The following NBAS variants were observed in gnomAD, a reference collection of about 807,000 sequenced individuals.
NBAS encodes NAG/BC035112 fusion.
In NBAS, 219 loss-of-function variants were observed where a neutral mutation model predicts 302.5. The ratio of observed to expected loss-of-function variants is 0.72; its 90% CI spans 0.65 to 0.81. The LOEUF (loss-of-function observed/expected upper bound fraction) is 0.81. Among genes scored for constraint, NBAS ranks in the 30% least tolerant of loss-of-function variants. The pLI is 0.00. For missense variants in NBAS, 2,932 were observed against 2,841.6 expected (o/e 1.03, Z -0.72); for synonymous variants, 1,118 against 1,021.6 (o/e 1.09, Z -1.80).
the NBAS span, among the ~76,000 whole-genome samples, chr2:14,848,496 G>C: frequency 1.4e-5 from 2 of 144,220 alleles, no homozygotes; most frequent in Non-Finnish European, 3.0e-5. Flanking sequence ...AGCGAGGCTG[G>C]GGGAGGGGCG....
the NBAS span, among the ~76,000 whole-genome samples, chr2:15,014,279 C>A: frequency 6.6e-6 from 1 of 152,114 alleles, no homozygotes; most frequent in African/African-American, 2.4e-5. Flanking sequence ...TTATACTGCA[C>A]CATATACCAA....
At chr2:14,945,657 G>C in the NBAS span, among the ~76,000 whole-genome samples, 1 of 152,052 alleles carries the variant, frequency 6.6e-6, no homozygotes, top group African/African-American at 2.4e-5. Context: ...AAATTAATTA[G>C]AGGCTCTTGA....
At chr2:15,414,282 T>C (rs1315831898) in intron 25 of NBAS, among the ~76,000 whole-genome samples, 5 of 152,228 alleles carry the variant, frequency 3.3e-5, no homozygotes, top group Non-Finnish European at 7.3e-5. Flanking sequence ...ACCATGTATC[T>C]TACCAGACAC....
At position 15,327,732 on chromosome 2, in the gene NBAS, T is replaced by C; in HGVS notation, c.4582+18A>G. On this transcript the variant is annotated intron_variant, in intron 38 of 51. Coordinates refer to ENST00000281513, the MANE Select transcript of NBAS (RefSeq NM_015909.4). ...CTAGAGTTACACACTGTCAAGGGAC[T>C]AGAACCTTCTCTCTTACCTTCAGTT... 6.2e-7 allele frequency: 1 copy of C among 1,613,456 alleles called. No individual in the cohort carries two copies. The highest frequency in any genetic ancestry group is 8.5e-7 in the Non-Finnish European group (1 of 1,179,508).
chr2:14,941,904 G>A, the NBAS span, among the ~76,000 whole-genome samples: 1 of 152,086 alleles, frequency 6.6e-6, no homozygotes, highest in East Asian at 1.9e-4. Context: ...CTCTCTACTG[G>A]TTGGAGGATG....
chr2:15,174,889 A>G (rs192068002), intron 51 of NBAS, among the ~76,000 whole-genome samples: 17 of 152,364 alleles, frequency 1.1e-4, no homozygotes, highest in Admixed American at 3.9e-4. Context: ...TACTTGGCAA[A>G]GAGGTGGGAT....
At chr2:15,022,550 C>G in the NBAS span, among the ~76,000 whole-genome samples, 1 of 152,140 alleles carries the variant, frequency 6.6e-6, no homozygotes, top group African/African-American at 2.4e-5. Flanking sequence ...TATTTCTTCC[C>G]TCAACCAAGC....
At chr2:15,319,221 C>T (rs542016137) in intron 38 of NBAS, among the ~76,000 whole-genome samples, 2 of 152,242 alleles carry the variant, frequency 1.3e-5, no homozygotes, top group African/African-American at 2.4e-5. Context: ...ACACAATGTA[C>T]CAGAATCTCT....
chr2:14,989,062 A>G, the NBAS span, among the ~76,000 whole-genome samples: 1,160 of 152,302 alleles, frequency 7.6e-3, 13 homozygotes, highest in African/African-American at 0.026. Context: ...CACATCTTCA[A>G]TGGAACACTC....
intron 30 of NBAS, among the ~76,000 whole-genome samples, chr2:15,375,396 T>C (rs60997578): frequency 0.052 from 7,916 of 152,210 alleles, 594 homozygotes; most frequent in African/African-American, 0.16. Context: ...TAGAGGAACA[T>C]TGGAATGTAA....
the NBAS span, among the ~76,000 whole-genome samples, chr2:14,807,440 C>CGTGTGTGTGTGT: frequency 2.3e-5 from 3 of 128,524 alleles, no homozygotes; most frequent in African/African-American, 1.1e-4. Context: ...TTTCAAATCC[C>CGTGTGTGTGTGT]GTGTGTGTGT....
At chr2:15,176,332 T>C (rs1429523171) in intron 51 of NBAS, among the ~76,000 whole-genome samples, 1 of 151,892 alleles carries the variant, frequency 6.6e-6, no homozygotes, top group African/African-American at 2.4e-5. Flanking sequence ...TTGCCAGGGG[T>C]TGTTCAGGAG....
chr2:14,797,130 G>A, the NBAS span, among the ~76,000 whole-genome samples: 1 of 143,280 alleles, frequency 7.0e-6, no homozygotes, highest in South Asian at 2.2e-4. Flanking sequence ...AACAGACTCA[G>A]CCACTGGGGG....
the NBAS span, among the ~76,000 whole-genome samples, chr2:15,045,049 C>A: frequency 3.9e-5 from 6 of 152,322 alleles, no homozygotes; most frequent in African/African-American, 1.4e-4. Context: ...TTAGCAAAGA[C>A]TGATCAATTT....
At chr2:14,880,771 A>C in the NBAS span, among the ~76,000 whole-genome samples, 1 of 152,060 alleles carries the variant, frequency 6.6e-6, no homozygotes, top group Non-Finnish European at 1.5e-5. Flanking sequence ...CCAAGAAAAC[A>C]TTCCAAAATA....
the NBAS span, among the ~76,000 whole-genome samples, chr2:15,047,716 G>GC: frequency 6.6e-6 from 1 of 152,232 alleles, no homozygotes; most frequent in Non-Finnish European, 1.5e-5. Flanking sequence ...CTGGGCCCGT[G>GC]CAAGTGCAGG....
At chr2:15,264,949 C>T (rs1224294902) in intron 44 of NBAS, among the ~76,000 whole-genome samples, 4 of 152,162 alleles carry the variant, frequency 2.6e-5, no homozygotes, top group Non-Finnish European at 5.9e-5. Context: ...TATGTGGTGA[C>T]ACTGACATCC....
intron 21 of NBAS, among the ~76,000 whole-genome samples, chr2:15,457,165 A>T (rs7598936): frequency 6.6e-6 from 1 of 151,704 alleles, no homozygotes; most frequent in African/African-American, 2.4e-5. Context: ...GCCTCCTAAC[A>T]GCTGGCTGAA....
chr2:15,405,813 T>C (rs1400133801), intron 25 of NBAS, among the ~76,000 whole-genome samples: 4 of 152,210 alleles, frequency 2.6e-5, no homozygotes, highest in East Asian at 1.9e-4. Context: ...TGAAGGTAGA[T>C]AGTATAAACA....
Sources: gnomAD v4.1 joint callset for allele counts (sites outside exome capture counted in the v4.1 genomes callset) on GRCh38, gnomAD v4.1.1 for gene constraint, MANE v1.5 for transcripts, NCBI Gene and HGNC (gene_info 2026-07-23, HGNC 2026-07-21) for gene names.